MMRN1: variants seen among roughly 807,000 people sequenced by gnomAD.
MMRN1 encodes multimerin-1.
MMRN1 carries 94 observed loss-of-function variants against 100.7 expected under a neutral mutation model. The observed-to-expected ratio is 0.93, with a 90% confidence interval of 0.79 to 1.11. The LOEUF is 1.11. Among genes scored for constraint, MMRN1 ranks in the 50% least tolerant of loss-of-function variants. The probability of loss-of-function intolerance (pLI) is 0.00; values close to 1 mark genes in which losing one functional copy is unlikely to be tolerated. For missense variants in MMRN1, 1,606 were observed against 1,439.1 expected (o/e 1.12, Z -1.88); for synonymous variants, 575 against 505.0 (o/e 1.14, Z -1.86).
Position 89,935,108 on chromosome 4 carries a change from G to A in MMRN1, c.1428G>A (p.Lys476=). Residue 476 remains lysine, a synonymous_variant, in exon 6 of 8, where the codon AAG becomes AAA. Transcript: ENST00000264790. ...VRQEMTLTCE[K]PIKELEVKQT... is the part of the protein sequence containing the mutation. ...AAGAAATGACTCTTACATGTGAGAA[G>A]CCTATTAAAGAACTAGAAGTAAAGC... is the stretch of plus-strand genomic sequence containing the variant. The A allele has an allele frequency of 6.2e-7, 1 of 1,613,656 alleles. No individual in the cohort carries two copies. The highest frequency in any genetic ancestry group is 8.5e-7 in the Non-Finnish European group (1 of 1,179,760).
At chr4:89,906,952 CT>C (rs1560583285) in intron 1 of MMRN1, among the ~76,000 whole-genome samples, 2 of 151,434 alleles carry the variant, frequency 1.3e-5, no homozygotes, top group African/African-American at 2.4e-5. Flanking sequence ...AATGAATATA[CT>C]TTTTTTCTTT....
chr4:89,909,244 G>GT (rs368236842), intron 1 of MMRN1, 32 bp from the exon 2 acceptor site: 148 of 1,556,476 alleles, frequency 9.5e-5, no homozygotes, highest in Non-Finnish European at 1.2e-4. Context: ...TTTGACAACA[G>GT]TTTTTTCCCT....
intron 1 of MMRN1, among the ~76,000 whole-genome samples, chr4:89,898,764 A>G (rs1038672551): frequency 6.6e-6 from 1 of 152,000 alleles, no homozygotes. Flanking sequence ...ACACCTAATA[A>G]TAACTCCAGG....
At chr4:89,913,885 T>C (rs1044356668) in intron 3 of MMRN1, among the ~76,000 whole-genome samples, 1 of 151,438 alleles carries the variant, frequency 6.6e-6, no homozygotes, top group Non-Finnish European at 1.5e-5. Flanking sequence ...AATGTTCCAA[T>C]GGCAGATATG....
intron 6 of MMRN1, among the ~76,000 whole-genome samples, chr4:89,950,656 A>G (rs935646499): frequency 6.6e-6 from 1 of 152,034 alleles, no homozygotes; most frequent in South Asian, 2.1e-4. Flanking sequence ...GCCTACTGAT[A>G]CATTCTCCGT....
At chr4:89,894,520 G>C (rs1183308424), upstream of MMRN1, among the ~76,000 whole-genome samples, 2 of 152,098 alleles carry the variant, frequency 1.3e-5, no homozygotes, top group Non-Finnish European at 2.9e-5. Context: ...ACTTTTCTCA[G>C]TGTCTTTATG....
intron 1 of MMRN1, among the ~76,000 whole-genome samples, chr4:89,880,039 T>C (rs1349478814): frequency 6.6e-6 from 1 of 152,174 alleles, no homozygotes; most frequent in Non-Finnish European, 1.5e-5. Context: ...GGGAGGACAA[T>C]TGGTGCACTT....
chr4:89,940,337 T>C (rs1722782465), intron 6 of MMRN1, among the ~76,000 whole-genome samples: 1 of 152,096 alleles, frequency 6.6e-6, no homozygotes, highest in Admixed American at 6.6e-5. Context: ...TTAGCTCCCC[T>C]TCATAAACCT....
rs190227728 is a variant in MMRN1, at chr4:89,884,064, C to T, written c.-249+4462C>T. 3.6e-4 allele frequency among the ~76,000 whole-genome samples: 54 copies of T among 151,938 alleles called. No homozygotes were observed. In the East Asian group the frequency reaches 0.01, roughly 28 times the overall value. ...GATTGATTTTTGGACTATTTTGTCC[C>T]GGTGCTCTATTTTTCTATTTTTACA... On this transcript the variant is annotated intron_variant, in intron 1 of 8. Transcript: ENST00000394980.
chr4:89,907,579 C>T (rs1427968987), intron 1 of MMRN1, among the ~76,000 whole-genome samples: 2 of 150,888 alleles, frequency 1.3e-5, no homozygotes, highest in Non-Finnish European at 3.0e-5. Flanking sequence ...TTTATTCTGC[C>T]CAATCTTAGG....
chr4:89,911,425 C>T (rs114261045), intron 2 of MMRN1, among the ~76,000 whole-genome samples: 1 of 151,248 alleles, frequency 6.6e-6, no homozygotes, highest in Non-Finnish European at 1.5e-5. Context: ...TAGTAGGTAG[C>T]ATAATTTCAA....
chr4:89,929,480 C>G (rs1722369757), intron 5 of MMRN1, among the ~76,000 whole-genome samples: 1 of 152,170 alleles, frequency 6.6e-6, no homozygotes, highest in East Asian at 1.9e-4. Flanking sequence ...TTTTTCCCCC[C>G]TGAAGTGACA....
intron 1 of MMRN1, among the ~76,000 whole-genome samples, chr4:89,888,754 A>G (rs1720989598): frequency 2.6e-5 from 4 of 152,020 alleles, no homozygotes; most frequent in Admixed American, 1.3e-4. Flanking sequence ...TTCATTTTTG[A>G]TATGTCTTAT....
In MMRN1 at chr4:89,916,375, AACAAAC is replaced by A. The variant is rs779870669; in HGVS notation, c.850+4327_850+4332del. Among the ~76,000 whole-genome samples, 766 of 140,786 alleles carry A rather than the reference AACAAAC, an allele frequency of 5.4e-3. 11 individuals are homozygous for A. Among genetic ancestry groups the A allele is most frequent in the African/African-American group, 0.022 (736 of 33,766 alleles). The allele number at this position is 140,786 out of a possible 152,430, so 92.4% of individuals were successfully genotyped here. A position where few individuals can be genotyped will look rare whatever the true frequency, so the allele number is the denominator to read the frequency against. On this transcript the variant is annotated intron_variant, in intron 3 of 7. Coordinates refer to ENST00000264790, the MANE Select transcript of MMRN1 (RefSeq NM_007351.3). ...CTCACTTAGATTCTGAAAAAAAAAA[AACAAAC>A]AAACAAACAATAAATTTAACAATGC...
intron 6 of MMRN1, among the ~76,000 whole-genome samples, chr4:89,947,221 G>A (rs922499734): frequency 1.3e-5 from 2 of 152,170 alleles, no homozygotes; most frequent in Non-Finnish European, 2.9e-5. Flanking sequence ...GGCAGAGGTT[G>A]CAGTGAGCCA....
At chr4:89,933,030 T>A (rs1464227564) in intron 5 of MMRN1, among the ~76,000 whole-genome samples, 1 of 152,184 alleles carries the variant, frequency 6.6e-6, no homozygotes, top group Non-Finnish European at 1.5e-5. Context: ...TTCCAAGCCA[T>A]ATCTTTGTGA....
At chr4:89,893,250 G>T (rs1721094619), upstream of MMRN1, among the ~76,000 whole-genome samples, 1 of 151,978 alleles carries the variant, frequency 6.6e-6, no homozygotes, top group African/African-American at 2.4e-5. Context: ...AGAAACGGAT[G>T]CTTTTTACTC....
rs1721758593 is a variant in MMRN1, at chr4:89,911,804, A to G, written c.744-140A>G. On this transcript the variant is annotated intron_variant, in intron 2 of 7. Coordinates refer to ENST00000264790, the MANE Select transcript of MMRN1 (RefSeq NM_007351.3). Reference sequence around the variant, plus strand: ...TTAGGCAATAATATTGATGATGAATATTATGATTATAACAGCCGATACTAA... The same window carrying G: ...TTAGGCAATAATATTGATGATGAATGTTATGATTATAACAGCCGATACTAA... The G allele has an allele frequency of 1.5e-5, 9 of 581,542 alleles. No homozygotes were observed. The South Asian group carries it at 1.9e-4, about 12-fold the overall frequency. The allele number at this position is 581,542 out of a possible 1,614,324, so 36.0% of individuals were successfully genotyped here.
At chr4:89,891,682 A>T (rs775996727), upstream of MMRN1, among the ~76,000 whole-genome samples, 1 of 149,762 alleles carries the variant, frequency 6.7e-6, no homozygotes, top group Non-Finnish European at 1.5e-5. Flanking sequence ...CAGGTTTTCA[A>T]TATTTTTCAA....
Sources: allele counts gnomAD v4.1 joint callset (sites outside exome capture counted in the v4.1 genomes callset), GRCh38; gene constraint gnomAD v4.1.1; transcripts MANE v1.5; gene names NCBI Gene and HGNC (gene_info 2026-07-23, HGNC 2026-07-21).